INTS8: variants seen among roughly 807,000 people sequenced by gnomAD.
INTS8 encodes integrator complex subunit 8.
A neutral mutation model predicts 138.9 loss-of-function variants in INTS8; 47 were observed. The observed-to-expected ratio is 0.34, with a 90% confidence interval of 0.27 to 0.43. The LOEUF (loss-of-function observed/expected upper bound fraction) is 0.43, where lower values mean the gene tolerates loss of function less well. Ranked by LOEUF, INTS8 falls within the 20% of genes least tolerant of loss-of-function variation. INTS8 has a pLI of 1.00. For missense variants in INTS8, 996 were observed against 1,173.0 expected, an observed-to-expected ratio of 0.85 and a Z score of 2.20; for synonymous variants, 392 against 400.9, an observed-to-expected ratio of 0.98 and a Z score of 0.27.
At chr8:94,842,992 A>C (rs761000563) in intron 10 of INTS8, among the ~76,000 whole-genome samples, 1 of 152,170 alleles carries the variant, frequency 6.6e-6, no homozygotes, top group Non-Finnish European at 1.5e-5. Context: ...CAAAAATACA[A>C]CGTTGCCAGC....
At position 94,827,725 on chromosome 8, in the gene INTS8, A is replaced by G; in HGVS notation, c.450A>G (p.Ala150=). The change falls in exon 4 of 27, where the codon GCA becomes GCG. Residue 150 remains alanine, a synonymous_variant. Coordinates refer to ENST00000523731, the MANE Select transcript of INTS8 (RefSeq NM_017864.4). ...CTTTTTCCTGTCTTTTCTTCAGGGC[A>G]ATTAGGACAATTGTTCAAAGTAGTT... ...AMAVLLYNRW[A]IRTIVQSSFP... 2 of 1,613,732 alleles carry G rather than the reference A, an allele frequency of 1.2e-6. No homozygotes were observed. Among genetic ancestry groups the G allele is most frequent in the Non-Finnish European group, 1.7e-6 (2 of 1,179,608 alleles).
intron 18 of INTS8, 180 bp downstream of exon 18, chr8:94,866,371 C>G: frequency 1.7e-6 from 1 of 596,820 alleles, no homozygotes; most frequent in Non-Finnish European, 3.2e-6. Context: ...TAACTCACTG[C>G]GTCTTCTAAT....
intron 2 of INTS8, among the ~76,000 whole-genome samples, chr8:94,825,624 ATAAT>A (rs1814470828): frequency 6.6e-6 from 1 of 152,108 alleles, no homozygotes; most frequent in South Asian, 2.1e-4. Context: ...TTGCTGTTGA[ATAAT>A]TGAGTTGATT....
At chr8:94,874,282 A>ATG (rs1816502128) in intron 22 of INTS8, among the ~76,000 whole-genome samples, 1 of 151,236 alleles carries the variant, frequency 6.6e-6, no homozygotes, top group Non-Finnish European at 1.5e-5. Context: ...ATTTCCTCTG[A>ATG]TGTAGGCTAC....
chr8:94,844,180 G>A lies in INTS8; in HGVS notation c.1260+1692G>A, dbSNP rs551140082. Among the ~76,000 whole-genome samples, 75 of 150,604 alleles carry A rather than the reference G, an allele frequency of 5.0e-4. No individual in the cohort carries two copies. In the East Asian group the frequency reaches 0.013, roughly 25 times the overall value. On this transcript the variant is annotated intron_variant, in intron 10 of 26. Coordinates refer to ENST00000523731, the MANE Select transcript of INTS8 (RefSeq NM_017864.4). ...CAGCCTCCTGAGTAGCTAGGACTACGGGCGTGCGCTACCACGCCTGGCTAA... is the reference window on the plus strand; with the variant it reads ...CAGCCTCCTGAGTAGCTAGGACTACAGGCGTGCGCTACCACGCCTGGCTAA...
Position 94,880,897 on chromosome 8 carries a change from C to A in INTS8, c.*663C>A. 2.5e-6 allele frequency: 1 copy of A among 398,758 alleles called. No homozygotes were observed. Among genetic ancestry groups the A allele is most frequent in the South Asian group, 1.3e-4 (1 of 7,860 alleles). The allele number at this position is 398,758 out of a possible 1,614,324, so 24.7% of individuals were successfully genotyped here. A position where few individuals can be genotyped will look rare whatever the true frequency, so the allele number is the denominator to read the frequency against. On this transcript the variant is annotated 3_prime_UTR_variant, in exon 27 of 27. Coordinates refer to ENST00000523731, the MANE Select transcript of INTS8 (RefSeq NM_017864.4). ...GGTTATTACCAAGCAACCTACATGT[C>A]AAGAAAGCCCCAGTTAGGAAGGAGC...
At chr8:94,827,443 C>G (rs1300371323) in intron 3 of INTS8, 40 bp downstream of exon 3, 1 of 1,601,452 alleles carries the variant, frequency 6.2e-7, no homozygotes, top group Non-Finnish European at 8.5e-7. Flanking sequence ...TGGGCAACCT[C>G]TGTTTTATTG....
intron 26 of INTS8, 37 bp downstream of exon 26, chr8:94,876,526 TC>T: frequency 1.5e-6 from 2 of 1,324,814 alleles, no homozygotes; most frequent in Non-Finnish European, 2.1e-6. Flanking sequence ...TGGTACAGTT[TC>T]CAGAATATTA....
chr8:94,853,932 A>G lies in INTS8; in HGVS notation c.1752+17A>G. 7.3e-7 allele frequency: 1 copy of G among 1,373,252 alleles called. No individual in the cohort carries two copies. Among genetic ancestry groups the G allele is most frequent in the East Asian group, 2.3e-5 (1 of 43,726 alleles). 85.1% of individuals were successfully genotyped at this position (1,373,252 alleles called of 1,614,324 possible). The stretch of plus-strand genomic sequence containing the variant: ...ACTGTTAAGGTGAGTAAAAGTGTGT[A>G]TCAAACACTTGTTAAGAATATGCTT... On this transcript the variant is annotated intron_variant, in intron 14 of 26. Transcript: ENST00000523731.
At chr8:94,865,431 G>T in intron 16 of INTS8, 75 bp from the exon 17 acceptor site, 1 of 1,171,078 alleles carries the variant, frequency 8.5e-7, no homozygotes, top group Non-Finnish European at 1.2e-6. Flanking sequence ...CTTTCCTCCA[G>T]TGTGCCTTGA....
intron 26 of INTS8, among the ~76,000 whole-genome samples, chr8:94,877,938 A>C (rs1255497075): frequency 1.3e-5 from 2 of 152,158 alleles, no homozygotes; most frequent in Non-Finnish European, 1.5e-5. Flanking sequence ...CTGCACACTG[A>C]GAGGTACCGA....
intron 4 of INTS8, among the ~76,000 whole-genome samples, chr8:94,828,437 G>A (rs909893102): frequency 1.2e-4 from 19 of 152,268 alleles, no homozygotes; most frequent in African/African-American, 3.6e-4. Context: ...AAAGTTGATC[G>A]TATCTGGAGG....
At chr8:94,866,235 T>A in intron 18 of INTS8, 44 bp downstream of exon 18, 1 of 972,318 alleles carries the variant, frequency 1.0e-6, no homozygotes, top group Non-Finnish European at 1.6e-6. Context: ...TGCTGGTTTT[T>A]GTAGAATATG....
Position 94,880,793 on chromosome 8 carries a change from A to C in INTS8, c.*559A>C. The C allele has an allele frequency of 2.5e-6, 1 of 398,554 alleles. No homozygotes were observed. The allele number at this position is 398,554 out of a possible 1,614,324, so 24.7% of individuals were successfully genotyped here. ...AAAAAAAATTCCTTAGGGATATCTT[A>C]GAGTAGTAAAGTGACTTCCTCATAT... On this transcript the variant is annotated 3_prime_UTR_variant, in exon 27 of 27. Coordinates refer to ENST00000523731, the MANE Select transcript of INTS8 (RefSeq NM_017864.4).
chr8:94,835,702 C>T (rs184765912), intron 6 of INTS8, among the ~76,000 whole-genome samples: 53 of 152,098 alleles, frequency 3.5e-4, no homozygotes, highest in African/African-American at 9.4e-4. Flanking sequence ...CGGGTTCAAG[C>T]GATTCTCCTG....
chr8:94,865,489 T>C lies in INTS8; in HGVS notation c.2077-17T>C, dbSNP rs771645791. ...ATTACAGATTATCTTTTGTGTATTT[T>C]GTTTTTCATGTTATAGCTTGGACAG... On this transcript the variant is annotated splice_polypyrimidine_tract_variant and intron_variant, in intron 16 of 26. Transcript: ENST00000523731. The C allele has an allele frequency of 1.2e-6, 2 of 1,603,072 alleles. No individual in the cohort carries two copies. The highest frequency in any genetic ancestry group is 1.7e-6 in the Non-Finnish European group (2 of 1,172,332).
At chr8:94,874,248 T>A (rs1431506940) in intron 22 of INTS8, among the ~76,000 whole-genome samples, 4 of 8,908 alleles carry the variant, frequency 4.5e-4, no homozygotes, top group South Asian at 4.4e-3. Flanking sequence ...ATTTTGTCCG[T>A]TTTTTTTTTT....
In INTS8 at chr8:94,881,293, G is replaced by C; in HGVS notation, c.*1059G>C. 2.8e-6 allele frequency: 1 copy of C among 359,008 alleles called. No homozygotes were observed. 22.2% of individuals were successfully genotyped at this position (359,008 alleles called of 1,614,324 possible). A position where few individuals can be genotyped will look rare whatever the true frequency, so the allele number is the denominator to read the frequency against. On this transcript the variant is annotated 3_prime_UTR_variant, in exon 27 of 27. Coordinates refer to ENST00000523731, the MANE Select transcript of INTS8 (RefSeq NM_017864.4). ...AGCACTTATCCAGTCCAAAACTCCA[G>C]TGACAAAATTCCTAGTTTATCAAGA...
chr8:94,861,185 C>CTCATTTCAT (rs1333393031), intron 16 of INTS8, among the ~76,000 whole-genome samples: 1 of 150,806 alleles, frequency 6.6e-6, no homozygotes, highest in Non-Finnish European at 1.5e-5. Flanking sequence ...AAAAACTGAG[C>CTCATTTCAT]TCATTTCATT....
Sources: gnomAD v4.1 joint callset for allele counts (sites outside exome capture counted in the v4.1 genomes callset) on GRCh38, gnomAD v4.1.1 for gene constraint, MANE v1.5 for transcripts, NCBI Gene and HGNC (gene_info 2026-07-23, HGNC 2026-07-21) for gene names.